Variants in PRR27 observed in about 807,000 individuals in gnomAD.
The protein encoded by PRR27 is proline-rich protein 27.
A neutral mutation model predicts 16.8 loss-of-function variants in PRR27; 12 were observed. The observed-to-expected ratio is 0.71, with a 90% CI of 0.46 to 1.16. The LOEUF is 1.16. Among genes scored for constraint, PRR27 ranks in the 50% most tolerant of loss-of-function variants. The pLI is 0.00. For missense variants in PRR27, 277 were observed against 273.3 expected, an observed-to-expected ratio of 1.01 and a Z score of -0.10; for synonymous variants, 100 against 98.4, an observed-to-expected ratio of 1.02 and a Z score of -0.10.
rs921837176 is a variant in PRR27, at chr4:70,163,105, A to G, written c.*444A>G. The G allele has an allele frequency of 6.6e-6, 1 of 152,202 alleles. No homozygotes were observed. Among genetic ancestry groups the G allele is most frequent in the African/African-American group, 2.4e-5 (1 of 41,448 alleles). The allele number at this position is 152,202 out of a possible 1,614,324, so 9.4% of individuals were successfully genotyped here. A position where few individuals can be genotyped will look rare whatever the true frequency, so the allele number is the denominator to read the frequency against. ...ATGGTAAACAACATGTTAATGAACT[A>G]TGCTATCCATGACTTAATGGACAGT... On this transcript the variant is annotated 3_prime_UTR_variant, in exon 5 of 5. Transcript: ENST00000344526.
rs1728431122 is a variant in PRR27 at position 70,154,443 on chromosome 4, C to T, written c.51+17C>T. The T allele has an allele frequency of 1.3e-6, 2 of 1,595,084 alleles. No individual in the cohort carries two copies. Among genetic ancestry groups the T allele is most frequent in the Non-Finnish European group, 1.7e-6 (2 of 1,163,110 alleles). On this transcript the variant is annotated intron_variant, in intron 1 of 4. Transcript: ENST00000344526. Reference sequence around the variant, plus strand: ...GCAAGGAAGGTAAGTAAATGGACTTCCAAAATTGTAACAATTGTATAACCA... The same window carrying T: ...GCAAGGAAGGTAAGTAAATGGACTTTCAAAATTGTAACAATTGTATAACCA...
intron 4 of PRR27, 121 bp downstream of exon 4, chr4:70,161,751 A>G (rs1728654686): frequency 4.4e-6 from 2 of 456,562 alleles, no homozygotes; most frequent in South Asian, 5.9e-5. Flanking sequence ...AGTGGAGCTT[A>G]GAGAAGCACT....
Position 70,161,618 on chromosome 4 carries a change from T to C in PRR27, c.*21T>C. 6.7e-7 allele frequency: 1 copy of C among 1,482,914 alleles called. No individual in the cohort carries two copies. The highest frequency in any genetic ancestry group is 9.3e-7 in the Non-Finnish European group (1 of 1,076,540). The allele number at this position is 1,482,914 out of a possible 1,614,324, so 91.9% of individuals were successfully genotyped here. On this transcript the variant is annotated 3_prime_UTR_variant, in exon 4 of 5. Transcript: ENST00000344526. ...AGTGAAATTCTCTAGAAGAGTACCA[T>C]GGGTTCATTTCTGTAAGTCATATGT...
At chr4:70,162,295 T>A (rs1190446207) in intron 4 of PRR27, among the ~76,000 whole-genome samples, 1 of 152,216 alleles carries the variant, frequency 6.6e-6, no homozygotes, top group Non-Finnish European at 1.5e-5. Flanking sequence ...TGAGGTGACA[T>A]CACTAGCTAA....
In PRR27 at chr4:70,158,622, C is replaced by A. The variant is rs1157930868; in HGVS notation, c.370C>A (p.Pro124Thr). Residue 124 changes from proline (P) to threonine (T), a missense_variant, in exon 3 of 5, where the codon CCC (proline) becomes ACC (threonine). Coordinates refer to ENST00000344526, the MANE Select transcript of PRR27 (RefSeq NM_214711.4). ...AAGGTTTTTTTCAGCAGCTGCAGCA[C>A]CCGCTGCCCCACCTATTGCAGCTGA... ...PSRFFSAAAA[P>T]AAPPIAAEPA... is the part of the protein sequence containing the mutation. 2.5e-6 allele frequency: 4 copies of A among 1,613,998 alleles called. No homozygotes were observed.
At chr4:70,160,437 CTCTCTCTGTGTG>C (rs1468699500) in intron 3 of PRR27, among the ~76,000 whole-genome samples, 2 of 77,926 alleles carry the variant, frequency 2.6e-5, no homozygotes, top group African/African-American at 8.8e-5. Flanking sequence ...CTCTCTCTCT[CTCTCTCTGTGTG>C]TGTGTGTGTG....
chr4:70,160,439 C>CTGTGTGTGTGTGTGTGTG (rs1408228186), intron 3 of PRR27, among the ~76,000 whole-genome samples: 8 of 87,384 alleles, frequency 9.2e-5, no homozygotes, highest in African/African-American at 2.8e-4. Flanking sequence ...CTCTCTCTCT[C>CTGTGTGTGTGTGTGTGTG]TCTCTGTGTG....
At chr4:70,158,957 GA>G (rs372043073) in intron 3 of PRR27, 57 bp downstream of exon 3, 62,658 of 762,010 alleles carry the variant, frequency 0.082, 1,329 homozygotes, top group South Asian at 0.19. Flanking sequence ...TGTAGAAGGG[GA>G]AAAAAAAAAA....
At position 70,154,283 on chromosome 4, in the gene PRR27, C is replaced by A; in HGVS notation, c.-93C>A. On this transcript the variant is annotated 5_prime_UTR_variant, in exon 1 of 5. Transcript: ENST00000344526. ...AAAAAAGCCATGTATTCTTTCGTTT[C>A]TCTCTAAAAGAAGAAAAATATAATT... is the stretch of plus-strand genomic sequence containing the variant. 9.2e-7 allele frequency: 1 copy of A among 1,085,870 alleles called. No individual in the cohort carries two copies. Among genetic ancestry groups the A allele is most frequent in the East Asian group, 2.6e-5 (1 of 38,500 alleles). 67.3% of individuals were successfully genotyped at this position (1,085,870 alleles called of 1,614,324 possible). A position where few individuals can be genotyped will look rare whatever the true frequency, so the allele number is the denominator to read the frequency against.
intron 3 of PRR27, among the ~76,000 whole-genome samples, chr4:70,161,175 T>TATATATATATAG (rs1728639508): frequency 8.5e-6 from 1 of 117,968 alleles, no homozygotes; most frequent in South Asian, 3.2e-4. Flanking sequence ...TATATATATA[T>TATATATATATAG]ATATACACAC....
intron 2 of PRR27, 53 bp downstream of exon 2, chr4:70,156,130 T>C (rs900379142): frequency 3.1e-6 from 3 of 981,834 alleles, no homozygotes; most frequent in Middle Eastern, 3.4e-4. Context: ...TCTTAAAATA[T>C]ATTTTACATT....
In PRR27 at chr4:70,164,760, GA is replaced by G. The variant is rs1466010678; in HGVS notation, c.*2102del. On this transcript the variant is annotated 3_prime_UTR_variant, in exon 5 of 5. Coordinates refer to ENST00000344526, the MANE Select transcript of PRR27 (RefSeq NM_214711.4). ...AGAAAGATGAAGATGAACCGAAATA[GA>G]AATATCAAGAGGCTACAAAGTCTTA... The G allele has an allele frequency of 6.6e-6, 1 of 152,004 alleles. No homozygotes were observed. The highest frequency in any genetic ancestry group is 1.5e-5 in the Non-Finnish European group (1 of 67,952). The allele number at this position is 152,004 out of a possible 1,614,324, so 9.4% of individuals were successfully genotyped here. A position where few individuals can be genotyped will look rare whatever the true frequency, so the allele number is the denominator to read the frequency against.
chr4:70,161,610 G>A lies in PRR27; in HGVS notation c.*13G>A, dbSNP rs543217718. On this transcript the variant is annotated 3_prime_UTR_variant, in exon 4 of 5. Coordinates refer to ENST00000344526, the MANE Select transcript of PRR27 (RefSeq NM_214711.4). ...GGCAAATCAGTGAAATTCTCTAGAAGAGTACCATGGGTTCATTTCTGTAAG... is the reference window on the plus strand; with the variant it reads ...GGCAAATCAGTGAAATTCTCTAGAAAAGTACCATGGGTTCATTTCTGTAAG... 9.3e-6 allele frequency: 14 copies of A among 1,499,396 alleles called. No individual in the cohort carries two copies. In the South Asian group the frequency reaches 1.3e-4, roughly 14 times the overall value. The allele number at this position is 1,499,396 out of a possible 1,614,324, so 92.9% of individuals were successfully genotyped here. A position where few individuals can be genotyped will look rare whatever the true frequency, so the allele number is the denominator to read the frequency against.
At position 70,155,982 on chromosome 4, in the gene PRR27, G is replaced by T. The variant is rs991002413; in HGVS notation, c.52-72G>T. 4.2e-6 allele frequency: 4 copies of T among 959,628 alleles called. No homozygotes were observed. The Admixed American group carries it at 8.0e-5, about 19-fold the overall frequency. The allele number at this position is 959,628 out of a possible 1,614,324, so 59.4% of individuals were successfully genotyped here. On this transcript the variant is annotated intron_variant, in intron 1 of 4. Transcript: ENST00000344526. ...ATTATTAAGCTTTGCAAATTTTTCA[G>T]CAATATGGAAATGTAGGTGCAGATG...
chr4:70,160,386 A>C (rs998084566), intron 3 of PRR27, among the ~76,000 whole-genome samples: 1 of 147,756 alleles, frequency 6.8e-6, no homozygotes, highest in Non-Finnish European at 1.5e-5. Flanking sequence ...CCATCTACTT[A>C]ACTCAGAGAA....
chr4:70,161,771 T>C (rs915615305), intron 4 of PRR27, 141 bp downstream of exon 4: 4 of 442,820 alleles, frequency 9.0e-6, no homozygotes, highest in African/African-American at 6.1e-5. Flanking sequence ...TGGTAGTTTG[T>C]GCCTCAGAAC....
At position 70,165,614 on chromosome 4, in the gene PRR27, AATT is replaced by A. The variant is rs1728746237; in HGVS notation, c.*2957_*2959del. 2.0e-5 allele frequency: 3 copies of A among 152,012 alleles called. No homozygotes were observed. Among genetic ancestry groups the A allele is most frequent in the Non-Finnish European group, 4.4e-5 (3 of 67,936 alleles). 9.4% of individuals were successfully genotyped at this position (152,012 alleles called of 1,614,324 possible). On this transcript the variant is annotated 3_prime_UTR_variant, in exon 5 of 5. Coordinates refer to ENST00000344526, the MANE Select transcript of PRR27 (RefSeq NM_214711.4). ...TTTTTATAGAAAAATGCTACTGCGA[AATT>A]ATTTTGAGTCATATCTTTTGATCGA...
chr4:70,159,834 C>G lies in PRR27; in HGVS notation c.648+934C>G, dbSNP rs1026355146. Among the ~76,000 whole-genome samples the G allele has an allele frequency of 2.6e-5, 4 of 152,030 alleles. 1 individual carries two copies. The highest frequency in any genetic ancestry group is 9.7e-5 in the African/African-American group (4 of 41,388). On this transcript the variant is annotated intron_variant, in intron 3 of 4. Transcript: ENST00000344526. ...TTGAGATCAAATTATTCTGAGTGCT[C>G]AAACTTATGTCCAGTGAATTTTGTG...
intron 1 of PRR27, 193 bp downstream of exon 1, chr4:70,154,619 T>C (rs1728435366): frequency 1.2e-6 from 1 of 848,556 alleles, no homozygotes; most frequent in Non-Finnish European, 1.9e-6. Flanking sequence ...TTGTAGTATC[T>C]GAAAATAGAT....
Sources: gnomAD v4.1 joint callset for allele counts (sites outside exome capture counted in the v4.1 genomes callset) on GRCh38, gnomAD v4.1.1 for gene constraint, MANE v1.5 for transcripts, NCBI Gene and HGNC (gene_info 2026-07-23, HGNC 2026-07-21) for gene names.